PAPPA: variants seen among roughly 807,000 people sequenced by gnomAD.
PAPPA encodes pappalysin 1, also known as pappalysin-1.
In PAPPA, 60 loss-of-function variants were observed where a neutral mutation model predicts 164.0. That is an observed-to-expected ratio of 0.37 (90% confidence interval 0.30 to 0.45). The LOEUF is 0.45. Ranked by LOEUF, PAPPA falls within the 20% of genes least tolerant of loss-of-function variation. PAPPA has a pLI of 1.00. For missense variants in PAPPA, 1,782 were observed against 2,087.3 expected, an observed-to-expected ratio of 0.85 and a Z score of 2.85; for synonymous variants, 875 against 814.1, an observed-to-expected ratio of 1.07 and a Z score of -1.27.
chr9:116,330,898 G>C (rs1429594660), intron 10 of PAPPA, among the ~76,000 whole-genome samples: 1 of 152,064 alleles, frequency 6.6e-6, no homozygotes, highest in Non-Finnish European at 1.5e-5. Flanking sequence ...GCTTTCCTCT[G>C]AGCCTTGCTT....
At chr9:116,268,176 C>T (rs1224389833) in intron 8 of PAPPA, among the ~76,000 whole-genome samples, 3 of 152,186 alleles carry the variant, frequency 2.0e-5, no homozygotes, top group Admixed American at 6.5e-5. Context: ...TTTGACTCCT[C>T]AAGCACAGAA....
At chr9:116,345,776 A>G (rs1846199792) in intron 14 of PAPPA, among the ~76,000 whole-genome samples, 3 of 152,188 alleles carry the variant, frequency 2.0e-5, no homozygotes, top group Admixed American at 2.0e-4. Flanking sequence ...GTGGTAGTGA[A>G]TGATTTGGAG....
At chr9:116,293,378 G>C (rs941889879) in intron 9 of PAPPA, among the ~76,000 whole-genome samples, 1 of 152,170 alleles carries the variant, frequency 6.6e-6, no homozygotes, top group Non-Finnish European at 1.5e-5. Flanking sequence ...GAAATAGAGG[G>C]AAATGGTTTG....
At position 116,352,133 on chromosome 9, in the gene PAPPA, G is replaced by A. The variant is rs1846290140; in HGVS notation, c.3965-573G>A. ...CTGCTCTTTCACCTGCTTTGGCAAA[G>A]CTTCACTGAGCACCAGGACCTGAAC... On this transcript the variant is annotated intron_variant, in intron 15 of 21. Transcript: ENST00000328252. Among the ~76,000 whole-genome samples the A allele has an allele frequency of 1.3e-5, 2 of 152,214 alleles. 1 individual carries two copies. Among genetic ancestry groups the A allele is most frequent in the Admixed American group, 1.3e-4 (2 of 15,286 alleles).
chr9:116,240,882 AT>A (rs1290438218), intron 7 of PAPPA, among the ~76,000 whole-genome samples: 2 of 152,194 alleles, frequency 1.3e-5, no homozygotes, highest in African/African-American at 4.8e-5. Flanking sequence ...AGCTAGAAAT[AT>A]TCTTAAAAGT....
chr9:116,312,235 C>T (rs984429412), intron 10 of PAPPA, among the ~76,000 whole-genome samples: 1 of 152,054 alleles, frequency 6.6e-6, no homozygotes, highest in African/African-American at 2.4e-5. Context: ...GTTCTGGCTC[C>T]CTTAAAACCC....
At chr9:116,183,788 C>G (rs1006603051) in intron 1 of PAPPA, among the ~76,000 whole-genome samples, 4 of 152,140 alleles carry the variant, frequency 2.6e-5, no homozygotes, top group African/African-American at 9.7e-5. Flanking sequence ...GGCTAAGCCA[C>G]CCCTTATTTC....
intron 10 of PAPPA, among the ~76,000 whole-genome samples, chr9:116,304,027 T>C (rs1024425110): frequency 6.6e-5 from 10 of 152,184 alleles, no homozygotes; most frequent in African/African-American, 2.2e-4. Context: ...TGCTTAACAA[T>C]GTATAGTGCC....
At chr9:116,265,727 A>T (rs1845059481) in intron 7 of PAPPA, 130 bp from the exon 8 acceptor site, 1 of 664,982 alleles carries the variant, frequency 1.5e-6, no homozygotes. Context: ...AGTATTGGAT[A>T]GCTAAATGTG....
intron 9 of PAPPA, among the ~76,000 whole-genome samples, chr9:116,296,097 TG>T (rs1845502917): frequency 6.6e-6 from 1 of 152,246 alleles, no homozygotes; most frequent in Non-Finnish European, 1.5e-5. Context: ...TAGTGTTAGC[TG>T]GGCATCTCAG....
At chr9:116,367,997 G>A (rs752637127) in intron 19 of PAPPA, among the ~76,000 whole-genome samples, 4 of 152,134 alleles carry the variant, frequency 2.6e-5, no homozygotes, top group Non-Finnish European at 5.9e-5. Flanking sequence ...CCTATGTGAA[G>A]GGCCTTTTAT....
intron 21 of PAPPA, among the ~76,000 whole-genome samples, chr9:116,383,278 T>C (rs1846757370): frequency 6.6e-6 from 1 of 152,190 alleles, no homozygotes; most frequent in African/African-American, 2.4e-5. Context: ...TGAGAAGCGT[T>C]CTTGTGATGA....
At chr9:116,248,084 TAG>T (rs1844817821) in intron 7 of PAPPA, among the ~76,000 whole-genome samples, 1 of 152,216 alleles carries the variant, frequency 6.6e-6, no homozygotes, top group Admixed American at 6.5e-5. Context: ...AGAGCCATGA[TAG>T]AGAGTATGTG....
chr9:116,314,592 AG>A (rs1845763719), intron 10 of PAPPA, among the ~76,000 whole-genome samples: 2 of 152,300 alleles, frequency 1.3e-5, no homozygotes, highest in African/African-American at 4.8e-5. Flanking sequence ...AAACTCCAAA[AG>A]TCTTAGCAGA....
At chr9:116,284,352 G>A (rs917979759) in intron 9 of PAPPA, among the ~76,000 whole-genome samples, 4 of 152,044 alleles carry the variant, frequency 2.6e-5, no homozygotes, top group African/African-American at 9.7e-5. Context: ...GCTCTTTCTT[G>A]AAATTCAGAA....
At chr9:116,214,469 A>C (rs1215302136) in intron 4 of PAPPA, among the ~76,000 whole-genome samples, 1 of 152,110 alleles carries the variant, frequency 6.6e-6, no homozygotes, top group Non-Finnish European at 1.5e-5. Flanking sequence ...TCTAAACTCA[A>C]GTGTTTCTTA....
intron 10 of PAPPA, among the ~76,000 whole-genome samples, chr9:116,312,265 A>G (rs921468033): frequency 8.3e-6 from 1 of 120,396 alleles, no homozygotes; most frequent in Non-Finnish European, 1.8e-5. Flanking sequence ...CTTGTCTTTC[A>G]TTTTCTTTTC....
chr9:116,352,293 T>G (rs1249195624), intron 15 of PAPPA, among the ~76,000 whole-genome samples: 2 of 152,190 alleles, frequency 1.3e-5, no homozygotes, highest in Admixed American at 6.5e-5. Flanking sequence ...ATGCACTCAC[T>G]GATATCAGAA....
At chr9:116,272,356 C>G (rs779227865) in intron 9 of PAPPA, among the ~76,000 whole-genome samples, 1 of 152,198 alleles carries the variant, frequency 6.6e-6, no homozygotes, top group Non-Finnish European at 1.5e-5. Flanking sequence ...CAGTTACAAG[C>G]GGATGAAAAC....
Sources: allele counts gnomAD v4.1 joint callset (sites outside exome capture counted in the v4.1 genomes callset), GRCh38; gene constraint gnomAD v4.1.1; transcripts MANE v1.5; gene names NCBI Gene and HGNC (gene_info 2026-07-23, HGNC 2026-07-21).